The following LINGO2 variants were observed in gnomAD, a reference collection of about 807,000 sequenced individuals.
LINGO2 encodes leucine-rich repeat and immunoglobulin-like domain-containing nogo receptor-interacting protein 2.
In LINGO2, 14 loss-of-function variants were observed where a neutral mutation model predicts 30.6. That is an observed-to-expected ratio of 0.46 (90% CI 0.30 to 0.72). The LOEUF is 0.72. Among genes scored for constraint, LINGO2 ranks in the 30% least tolerant of loss-of-function variants. The probability of loss-of-function intolerance (pLI) is 0.07; values close to 1 mark genes in which losing one functional copy is unlikely to be tolerated. For synonymous variants in LINGO2, 317 were observed against 288.5 expected (o/e 1.10, Z -1.00); for missense variants, 729 against 751.7 (o/e 0.97, Z 0.35).
chr9:28,232,035 T>C (rs779800149), intron 4 of LINGO2, among the ~76,000 whole-genome samples: 2 of 152,248 alleles, frequency 1.3e-5, no homozygotes, highest in East Asian at 1.9e-4. Context: ...CCCATGCTAA[T>C]TGATGACTCT....
At chr9:27,979,972 C>A (rs1321955153) in intron 5 of LINGO2, among the ~76,000 whole-genome samples, 1 of 151,862 alleles carries the variant, frequency 6.6e-6, no homozygotes, top group Non-Finnish European at 1.5e-5. Flanking sequence ...CCATCTCTCA[C>A]CTATTATGGA....
the LINGO2 span, among the ~76,000 whole-genome samples, chr9:29,183,796 G>C: frequency 6.7e-6 from 1 of 150,208 alleles, no homozygotes; most frequent in Non-Finnish European, 1.5e-5. Context: ...CAAAGATGTA[G>C]CATCTCAACA....
At position 28,475,883 on chromosome 9, in the gene LINGO2, T is replaced by G. The variant is rs557799924; in HGVS notation, c.-279+57A>C. ...TTATTTATAAACTATGCAGACTTTT[T>G]GCATAAGACACAGAATCGAAAGATA... On this transcript the variant is annotated intron_variant, in intron 2 of 5. Coordinates refer to ENST00000379992, the Ensembl canonical transcript of LINGO2. 114 of 152,774 alleles carry G rather than the reference T, an allele frequency of 7.5e-4. 1 individual carries two copies. Among genetic ancestry groups the G allele is most frequent in the African/African-American group, 2.5e-3 (103 of 41,584 alleles). 9.5% of individuals were successfully genotyped at this position (152,774 alleles called of 1,614,324 possible). A position where few individuals can be genotyped will look rare whatever the true frequency, so the allele number is the denominator to read the frequency against.
the LINGO2 span, among the ~76,000 whole-genome samples, chr9:28,810,442 AG>A: frequency 6.6e-6 from 1 of 152,182 alleles, no homozygotes; most frequent in African/African-American, 2.4e-5. Flanking sequence ...TGTTTACAGC[AG>A]GGATTGTAAG....
chr9:28,298,072 T>G (rs1823991276), intron 3 of LINGO2, among the ~76,000 whole-genome samples: 1 of 152,172 alleles, frequency 6.6e-6, no homozygotes, highest in South Asian at 2.1e-4. Context: ...TCCATGACAT[T>G]GGTTTGAAAC....
At chr9:29,009,895 T>A in the LINGO2 span, among the ~76,000 whole-genome samples, 407 of 152,268 alleles carry the variant, frequency 2.7e-3, 1 homozygote, top group Non-Finnish European at 4.9e-3. Context: ...AACCATCTGA[T>A]CTTGGACAAA....
chr9:28,969,102 T>C, the LINGO2 span, among the ~76,000 whole-genome samples: 1 of 152,136 alleles, frequency 6.6e-6, no homozygotes, highest in African/African-American at 2.4e-5. Flanking sequence ...AGATCACATT[T>C]TACTGGGGTT....
At chr9:28,696,626 A>C in the LINGO2 span, among the ~76,000 whole-genome samples, 1 of 151,894 alleles carries the variant, frequency 6.6e-6, no homozygotes, top group Admixed American at 6.6e-5. Flanking sequence ...AGTAAGCCAA[A>C]TGCATAAAGA....
intron 2 of LINGO2, among the ~76,000 whole-genome samples, chr9:28,409,620 GGTGTGTGT>G (rs150611305): frequency 4.1e-5 from 6 of 146,208 alleles, no homozygotes; most frequent in African/African-American, 7.6e-5. Context: ...GATGTGCAGG[GGTGTGTGT>G]GTGTGTGTGT....
the LINGO2 span, among the ~76,000 whole-genome samples, chr9:28,797,427 A>G: frequency 2.1e-5 from 3 of 143,326 alleles, no homozygotes; most frequent in Admixed American, 1.5e-4. Context: ...GATGTCTTAG[A>G]CCAAGACAGA....
At chr9:28,777,097 T>C in the LINGO2 span, among the ~76,000 whole-genome samples, 2 of 152,108 alleles carry the variant, frequency 1.3e-5, no homozygotes, top group South Asian at 2.1e-4. Context: ...CCTTCCGCCA[T>C]GATTGTAAAT....
At chr9:28,436,819 T>C (rs746688315) in intron 2 of LINGO2, among the ~76,000 whole-genome samples, 3 of 152,144 alleles carry the variant, frequency 2.0e-5, no homozygotes, top group Non-Finnish European at 2.9e-5. Context: ...AAGGCAGTAC[T>C]GCATGGTAGC....
chr9:28,377,869 A>G (rs1489020338), intron 2 of LINGO2, among the ~76,000 whole-genome samples: 1 of 152,216 alleles, frequency 6.6e-6, no homozygotes, highest in African/African-American at 2.4e-5. Context: ...TTTACGGTCC[A>G]GTAAAATGTT....
At chr9:28,038,623 G>T (rs1459162246) in intron 4 of LINGO2, among the ~76,000 whole-genome samples, 1 of 151,726 alleles carries the variant, frequency 6.6e-6, no homozygotes, top group Non-Finnish European at 1.5e-5. Context: ...AACCCGGGAG[G>T]CGGAGCTTGC....
the LINGO2 span, among the ~76,000 whole-genome samples, chr9:28,893,853 C>A: frequency 0.046 from 6,946 of 151,648 alleles, 539 homozygotes; most frequent in African/African-American, 0.16. Context: ...TGCACCCATT[C>A]ACTGGTCATT....
At chr9:28,009,611 A>T (rs1587680488) in intron 5 of LINGO2, among the ~76,000 whole-genome samples, 1 of 152,194 alleles carries the variant, frequency 6.6e-6, no homozygotes, top group Non-Finnish European at 1.5e-5. Context: ...ACATGAAAAA[A>T]ATATTCAACA....
intron 1 of LINGO2, among the ~76,000 whole-genome samples, chr9:28,605,803 C>T (rs1460204178): frequency 6.6e-6 from 1 of 152,026 alleles, no homozygotes; most frequent in Non-Finnish European, 1.5e-5. Context: ...AACACAGCCA[C>T]ATCCACTCAT....
At chr9:28,403,162 T>C (rs10812808) in intron 2 of LINGO2, among the ~76,000 whole-genome samples, 119,835 of 152,086 alleles carry the variant, frequency 0.79, 47,434 homozygotes, top group Non-Finnish European at 0.83. Context: ...TGCTCCAGAT[T>C]TGCCTCGTAC....
At chr9:28,434,779 C>G (rs989853343) in intron 2 of LINGO2, among the ~76,000 whole-genome samples, 21 of 151,958 alleles carry the variant, frequency 1.4e-4, no homozygotes. Context: ...TTATTTTATT[C>G]TCTAGTCTGA....
Sources: gnomAD v4.1 joint callset for allele counts (sites outside exome capture counted in the v4.1 genomes callset) on GRCh38, gnomAD v4.1.1 for gene constraint, MANE v1.5 for transcripts, NCBI Gene and HGNC (gene_info 2026-07-23, HGNC 2026-07-21) for gene names.